PTPRM: variants seen among roughly 807,000 people sequenced by gnomAD.
PTPRM encodes the protein receptor-type tyrosine-protein phosphatase mu.
A neutral mutation model predicts 186.7 loss-of-function variants in PTPRM; 47 were observed. The ratio of observed to expected loss-of-function variants is 0.25; its 90% confidence interval spans 0.20 to 0.32. The LOEUF is 0.32. Among genes scored for constraint, PTPRM ranks in the 10% least tolerant of loss-of-function variants. The pLI is 1.00. For missense variants in PTPRM, 1,494 were observed against 1,865.0 expected, an observed-to-expected ratio of 0.80 and a Z score of 3.66; for synonymous variants, 668 against 674.9, an observed-to-expected ratio of 0.99 and a Z score of 0.16.
At chr18:8,012,783 C>T (rs1169383278) in intron 7 of PTPRM, among the ~76,000 whole-genome samples, 4 of 152,126 alleles carry the variant, frequency 2.6e-5, no homozygotes, top group Non-Finnish European at 5.9e-5. Context: ...TTTGTGAAAA[C>T]CTGTCACTTT....
chr18:7,662,242 T>C (rs1466405122), intron 1 of PTPRM, among the ~76,000 whole-genome samples: 1 of 152,204 alleles, frequency 6.6e-6, no homozygotes, highest in African/African-American at 2.4e-5. Flanking sequence ...AGACCATATA[T>C]ATGATCTTGA....
intron 7 of PTPRM, among the ~76,000 whole-genome samples, chr18:7,967,769 A>G (rs1173682410): frequency 1.4e-5 from 1 of 74,064 alleles, no homozygotes; most frequent in Non-Finnish European, 2.4e-5. Context: ...AAGAATAAAA[A>G]GAAATGAGCA....
intron 2 of PTPRM, among the ~76,000 whole-genome samples, chr18:7,845,044 A>T (rs1055615688): frequency 6.6e-6 from 1 of 152,194 alleles, no homozygotes. Context: ...GACAGGATCT[A>T]TAAGGTATGT....
intron 1 of PTPRM, among the ~76,000 whole-genome samples, chr18:7,667,940 A>AT (rs1009274660): frequency 1.1e-4 from 16 of 150,184 alleles, no homozygotes; most frequent in South Asian, 2.1e-4. Context: ...TATACTGATC[A>AT]TTTTTTTTTT....
chr18:7,790,678 A>C (rs1250931315), intron 2 of PTPRM, among the ~76,000 whole-genome samples: 1 of 152,196 alleles, frequency 6.6e-6, no homozygotes, highest in Non-Finnish European at 1.5e-5. Context: ...CAAAAGTATT[A>C]ATTGGTGTGA....
At chr18:7,819,861 G>A (rs2045085573) in intron 2 of PTPRM, among the ~76,000 whole-genome samples, 2 of 152,144 alleles carry the variant, frequency 1.3e-5, no homozygotes, top group South Asian at 4.1e-4. Context: ...CCTAAGAGGG[G>A]GACAAGGGAT....
intron 11 of PTPRM, among the ~76,000 whole-genome samples, chr18:8,100,559 C>G (rs1450324662): frequency 2.0e-5 from 3 of 152,228 alleles, no homozygotes; most frequent in African/African-American, 7.2e-5. Flanking sequence ...CCAAACATCT[C>G]TCACCTGGCC....
At chr18:8,358,131 TCC>T (rs142247547) in intron 23 of PTPRM, among the ~76,000 whole-genome samples, 39 of 147,486 alleles carry the variant, frequency 2.6e-4, no homozygotes, top group Admixed American at 1.3e-3. Flanking sequence ...GGCTAGCTAT[TCC>T]CCCCCCCACA....
At chr18:7,641,586 G>T (rs1025652668) in intron 1 of PTPRM, among the ~76,000 whole-genome samples, 5 of 152,164 alleles carry the variant, frequency 3.3e-5, no homozygotes, top group Non-Finnish European at 5.9e-5. Context: ...AGAAGTGGGC[G>T]GTTGCCCACA....
At chr18:7,859,341 C>T (rs986462841) in intron 2 of PTPRM, among the ~76,000 whole-genome samples, 11 of 152,186 alleles carry the variant, frequency 7.2e-5, no homozygotes, top group Non-Finnish European at 1.3e-4. Flanking sequence ...TTCCCTGATG[C>T]CCACTGCATT....
chr18:7,742,432 C>A (rs1264071693), intron 1 of PTPRM, among the ~76,000 whole-genome samples: 2 of 152,264 alleles, frequency 1.3e-5, no homozygotes, highest in East Asian at 3.9e-4. Flanking sequence ...AAGTATCCTC[C>A]CACCCATTCC....
At chr18:7,917,152 C>A (rs1028443819) in intron 4 of PTPRM, among the ~76,000 whole-genome samples, 1 of 152,088 alleles carries the variant, frequency 6.6e-6, no homozygotes, top group African/African-American at 2.4e-5. Context: ...TCCTTCATAC[C>A]CTGATGGTAA....
chr18:8,374,828 T>C (rs2095685410), intron 24 of PTPRM, among the ~76,000 whole-genome samples: 1 of 152,262 alleles, frequency 6.6e-6, no homozygotes, highest in Non-Finnish European at 1.5e-5. Context: ...TGTTTGCTTT[T>C]CTGGTCTTTC....
chr18:7,883,595 A>G (rs145031466), intron 2 of PTPRM, among the ~76,000 whole-genome samples: 2,243 of 152,346 alleles, frequency 0.015, 22 homozygotes, highest in South Asian at 0.028. Flanking sequence ...CTGTCAGGAA[A>G]CACGAGTGTG....
chr18:8,187,013 G>T (rs1270414772), intron 14 of PTPRM, among the ~76,000 whole-genome samples: 1 of 151,156 alleles, frequency 6.6e-6, no homozygotes, highest in African/African-American at 2.4e-5. Flanking sequence ...TGATCTTGGC[G>T]CACTGCAACC....
chr18:7,792,268 C>T (rs1290764200), intron 2 of PTPRM, among the ~76,000 whole-genome samples: 1 of 152,144 alleles, frequency 6.6e-6, no homozygotes, highest in Non-Finnish European at 1.5e-5. Context: ...TCATAGTGGT[C>T]TGTATGCTAC....
chr18:7,908,015 T>C (rs1315667955), intron 4 of PTPRM, among the ~76,000 whole-genome samples: 1 of 152,126 alleles, frequency 6.6e-6, no homozygotes, highest in Non-Finnish European at 1.5e-5. Context: ...AGTTTTTCTC[T>C]ATTAAATATT....
At chr18:7,700,695 A>G (rs2039941057) in intron 1 of PTPRM, among the ~76,000 whole-genome samples, 2 of 152,282 alleles carry the variant, frequency 1.3e-5, no homozygotes, top group African/African-American at 2.4e-5. Context: ...ATATGAGCTC[A>G]TGGTAAAAAT....
At chr18:8,008,068 C>T (rs575778372) in intron 7 of PTPRM, among the ~76,000 whole-genome samples, 1 of 152,090 alleles carries the variant, frequency 6.6e-6, no homozygotes, top group Admixed American at 6.5e-5. Context: ...GGAAATTATT[C>T]CTGAAATCCC....
Sources: allele counts gnomAD v4.1 joint callset (sites outside exome capture counted in the v4.1 genomes callset), GRCh38; gene constraint gnomAD v4.1.1; transcripts MANE v1.5; gene names NCBI Gene and HGNC (gene_info 2026-07-23, HGNC 2026-07-21).